The following NALF1 variants were observed in gnomAD, a reference collection of about 807,000 sequenced individuals.
NALF1 encodes the protein NALCN channel auxiliary factor 1.
A neutral mutation model predicts 48.4 loss-of-function variants in NALF1; 3 were observed. The ratio of observed to expected loss-of-function variants is 0.06; its 90% CI spans 0.03 to 0.16. The LOEUF is 0.16. Ranked by LOEUF, NALF1 falls within the 10% of genes least tolerant of loss-of-function variation. The pLI is 1.00. For missense variants in NALF1, 526 were observed against 571.5 expected (o/e 0.92, Z 0.81); for synonymous variants, 262 against 245.7 (o/e 1.07, Z -0.62).
chr13:107,373,124 G>A (rs566964364), intron 1 of NALF1, among the ~76,000 whole-genome samples: 1 of 152,286 alleles, frequency 6.6e-6, no homozygotes, highest in African/African-American at 2.4e-5. Context: ...GGTATACAGA[G>A]CATCTAACAG....
chr13:107,188,495 T>A (rs1879221778), intron 2 of NALF1, among the ~76,000 whole-genome samples: 1 of 152,076 alleles, frequency 6.6e-6, no homozygotes, highest in Non-Finnish European at 1.5e-5. Flanking sequence ...TATCTATACA[T>A]TTATAATTTT....
chr13:107,676,724 A>G (rs1020080277), intron 1 of NALF1, among the ~76,000 whole-genome samples: 1 of 151,884 alleles, frequency 6.6e-6, no homozygotes, highest in Non-Finnish European at 1.5e-5. Flanking sequence ...ATATCTGTAC[A>G]TGTATATACC....
chr13:107,641,890 G>A (rs1880166685), intron 1 of NALF1, among the ~76,000 whole-genome samples: 1 of 152,110 alleles, frequency 6.6e-6, no homozygotes, highest in East Asian at 1.9e-4. Context: ...GAAAACTTCA[G>A]CAAACCCCAA....
intron 1 of NALF1, among the ~76,000 whole-genome samples, chr13:107,638,490 G>A (rs576294685): frequency 6.6e-6 from 1 of 152,134 alleles, no homozygotes; most frequent in African/African-American, 2.4e-5. Flanking sequence ...AGCGAATGAG[G>A]CAGAGGATGT....
At chr13:107,606,461 G>A (rs935880486) in intron 1 of NALF1, among the ~76,000 whole-genome samples, 2 of 151,968 alleles carry the variant, frequency 1.3e-5, no homozygotes, top group Admixed American at 6.6e-5. Context: ...TGCCTCCAGG[G>A]TTCAAGCGAT....
chr13:107,563,976 G>T (rs1877717238), intron 1 of NALF1, among the ~76,000 whole-genome samples: 1 of 152,122 alleles, frequency 6.6e-6, no homozygotes, highest in African/African-American at 2.4e-5. Flanking sequence ...ACCTTTACAA[G>T]GATCTATAAA....
At position 107,576,795 on chromosome 13, in the gene NALF1, A is replaced by C. The variant is rs149695326; in HGVS notation, c.915+288887T>G. 1.5e-3 allele frequency among the ~76,000 whole-genome samples: 224 copies of C among 152,288 alleles called. 2 individuals carry two copies. Among genetic ancestry groups the C allele is most frequent in the African/African-American group, 4.2e-3 (175 of 41,572 alleles). ...GTATTAAAAATGACAAGTGACAAGG[A>C]GTTTGGAAAAACAAAAGTGTAGAAA... is the stretch of plus-strand genomic sequence containing the variant. On this transcript the variant is annotated intron_variant, in intron 1 of 2. Transcript: ENST00000375915.
chr13:107,760,478 G>T (rs1196447382), intron 1 of NALF1, among the ~76,000 whole-genome samples: 1 of 152,048 alleles, frequency 6.6e-6, no homozygotes, highest in Non-Finnish European at 1.5e-5. Context: ...CTCTCAAAAA[G>T]GTCTTTGTTA....
chr13:107,312,893 AAAT>A (rs1882074823), intron 1 of NALF1, among the ~76,000 whole-genome samples: 1 of 152,184 alleles, frequency 6.6e-6, no homozygotes, highest in African/African-American at 2.4e-5. Flanking sequence ...ACTCTTAACT[AAAT>A]AATAATAAGT....
intron 1 of NALF1, among the ~76,000 whole-genome samples, chr13:107,647,006 C>T (rs1566428588): frequency 6.6e-6 from 1 of 151,898 alleles, no homozygotes; most frequent in Admixed American, 6.6e-5. Context: ...CAGATATTAC[C>T]ACTCATTGGG....
At chr13:107,760,636 G>A (rs1048798507) in intron 1 of NALF1, among the ~76,000 whole-genome samples, 6 of 152,092 alleles carry the variant, frequency 3.9e-5, no homozygotes, top group Admixed American at 1.3e-4. Flanking sequence ...TCTCAAGATC[G>A]GTTATGAAAC....
intron 1 of NALF1, among the ~76,000 whole-genome samples, chr13:107,486,155 G>T (rs1331533302): frequency 1.3e-5 from 2 of 152,116 alleles, no homozygotes; most frequent in Non-Finnish European, 2.9e-5. Flanking sequence ...TTGAGTGCTC[G>T]AAATATTTAT....
intron 1 of NALF1, among the ~76,000 whole-genome samples, chr13:107,632,601 T>C (rs1202320468): frequency 6.6e-6 from 1 of 152,076 alleles, no homozygotes; most frequent in Non-Finnish European, 1.5e-5. Flanking sequence ...TCTCCAATTA[T>C]CTCTGTAGAC....
chr13:107,735,350 T>C (rs941442056), intron 1 of NALF1, among the ~76,000 whole-genome samples: 18 of 152,160 alleles, frequency 1.2e-4, no homozygotes, highest in Non-Finnish European at 2.1e-4. Context: ...TATAACATGG[T>C]TGGATGAGTA....
intron 1 of NALF1, among the ~76,000 whole-genome samples, chr13:107,822,466 A>T (rs992498162): frequency 6.6e-6 from 1 of 152,158 alleles, no homozygotes; most frequent in African/African-American, 2.4e-5. Flanking sequence ...GACTTACTGA[A>T]TCAGAAATCC....
At chr13:107,695,269 T>C (rs77311790) in intron 1 of NALF1, among the ~76,000 whole-genome samples, 1 of 152,310 alleles carries the variant, frequency 6.6e-6, no homozygotes, top group East Asian at 1.9e-4. Flanking sequence ...AGAGAAAAAC[T>C]AGTGCTCCAG....
intron 1 of NALF1, among the ~76,000 whole-genome samples, chr13:107,778,673 T>C (rs1364222083): frequency 2.6e-5 from 4 of 152,188 alleles, no homozygotes; most frequent in Admixed American, 2.6e-4. Context: ...AGCACAAATT[T>C]TCAGTGTGGA....
chr13:107,372,176 G>A (rs1032616837), intron 1 of NALF1, among the ~76,000 whole-genome samples: 3 of 152,138 alleles, frequency 2.0e-5, no homozygotes, highest in African/African-American at 2.4e-5. Context: ...TGTTTCTTTC[G>A]TCTTTCAGAC....
chr13:107,609,652 A>T (rs202079137), intron 1 of NALF1, among the ~76,000 whole-genome samples: 2 of 152,362 alleles, frequency 1.3e-5, no homozygotes, highest in East Asian at 3.8e-4. Context: ...TTTTAACAGT[A>T]TTATTAGGTT....
Sources: gnomAD v4.1 joint callset for allele counts (sites outside exome capture counted in the v4.1 genomes callset) on GRCh38, gnomAD v4.1.1 for gene constraint, MANE v1.5 for transcripts, NCBI Gene and HGNC (gene_info 2026-07-23, HGNC 2026-07-21) for gene names.